Variants in MAGEL2 observed in about 807,000 individuals in gnomAD.
The protein encoded by MAGEL2 is MAGE family member L2.
For missense variants in MAGEL2, 1,830 were observed against 1,699.2 expected (o/e 1.08, Z -1.35); for synonymous variants, 792 against 721.7 (o/e 1.10, Z -1.56).
In MAGEL2 at chr15:23,643,897, G is replaced by A; in HGVS notation, c.*96C>T. 7.4e-7 allele frequency: 1 copy of A among 1,345,070 alleles called. No individual in the cohort carries two copies. Among genetic ancestry groups the A allele is most frequent in the East Asian group, 2.5e-5 (1 of 39,912 alleles). 83.3% of individuals were successfully genotyped at this position (1,345,070 alleles called of 1,614,324 possible). A position where few individuals can be genotyped will look rare whatever the true frequency, so the allele number is the denominator to read the frequency against. On this transcript the variant is annotated 3_prime_UTR_variant, in exon 1 of 1. Coordinates refer to ENST00000650528, the MANE Select transcript of MAGEL2 (RefSeq NM_019066.5). ...TTGAAAATCCAAACGTACACTCGTG[G>A]AACTGGAACACAAACACCAGGAACA...
Position 23,645,809 on chromosome 15 carries a change from A to C in MAGEL2, c.1934T>G (p.Leu645Arg). ...AQRQAPPLVQLEQPFQGAPPS... is the reference protein window; with the variant it reads ...AQRQAPPLVQREQPFQGAPPS... Reference sequence around the variant, plus strand: ...CGGGGCTCCCTGAAAGGGCTGCTCCAGCTGGACCAAGGGGGGAGCCTGCCT... The same window carrying C: ...CGGGGCTCCCTGAAAGGGCTGCTCCCGCTGGACCAAGGGGGGAGCCTGCCT... The change falls in exon 1 of 1, where the codon CTG (leucine) becomes CGG (arginine). Residue 645 changes from leucine to arginine, a missense_variant. By Grantham distance (102) the Leu-to-Arg change is moderately radical. Transcript: ENST00000650528. 6.3e-7 allele frequency: 1 copy of C among 1,590,388 alleles called. No individual in the cohort carries two copies.
At position 23,645,552 on chromosome 15, in the gene MAGEL2, A is replaced by G. The variant is rs1398965862; in HGVS notation, c.2191T>C (p.Ser731Pro). ...GAGGAGGTCCTGCGCTCTTTAGAGG[A>G]GCCCCTGCGGTCTATAGAAGAGGCC... ...CRASSIDRRGSSKERRTSSKE... is the reference protein window; with the variant it reads ...CRASSIDRRGPSKERRTSSKE... The change falls in exon 1 of 1, where the codon TCC becomes CCC. Residue 731 changes from serine to proline, a missense_variant. Transcript: ENST00000650528. The G allele has an allele frequency of 1.2e-6, 2 of 1,613,332 alleles. No homozygotes were observed. The highest frequency in any genetic ancestry group is 2.7e-5 in the African/African-American group (2 of 75,038).
Position 23,647,167 on chromosome 15 carries a change from A to G in MAGEL2, c.576T>C (p.Pro192=). The stretch of plus-strand genomic sequence containing the variant: ...GAGCCATCGGTGTCCCCGGAGGGGG[A>G]GGATGAGCCATCGGGGTCCCCGGAG... ...PPPPGTPMAH[P]PPPGTPMAHP... Residue 192 remains proline (P), a synonymous_variant, in exon 1 of 1, where the codon CCT becomes CCC. Coordinates refer to ENST00000650528, the MANE Select transcript of MAGEL2 (RefSeq NM_019066.5). 6.6e-7 allele frequency: 1 copy of G among 1,523,564 alleles called. No individual in the cohort carries two copies. The highest frequency in any genetic ancestry group is 8.8e-7 in the Non-Finnish European group (1 of 1,140,890). 94.4% of individuals were successfully genotyped at this position (1,523,564 alleles called of 1,614,324 possible). A position where few individuals can be genotyped will look rare whatever the true frequency, so the allele number is the denominator to read the frequency against.
In MAGEL2 at chr15:23,647,110, A is replaced by C. The variant is rs1244431833; in HGVS notation, c.633T>G (p.His211Gln). 2.0e-6 allele frequency: 3 copies of C among 1,526,506 alleles called. No individual in the cohort carries two copies. The highest frequency in any genetic ancestry group is 2.6e-6 in the Non-Finnish European group (3 of 1,142,838). 94.6% of individuals were successfully genotyped at this position (1,526,506 alleles called of 1,614,324 possible). Residue 211 changes from histidine (H) to glutamine (Q), a missense_variant, in exon 1 of 1, where the codon CAT becomes CAG. Physicochemically the swap from His to Gln is conservative, Grantham distance 24 (BLOSUM62 0). Coordinates refer to ENST00000650528, the MANE Select transcript of MAGEL2 (RefSeq NM_019066.5). ...HPPPPGTPMA[H>Q]PPPPGTPMAH... ...CCATCGGTGTCCCCGGAGGTGGAGGATGAGCCATCGGTGTCCCCGGAGGGG... is the reference window on the plus strand; with the variant it reads ...CCATCGGTGTCCCCGGAGGTGGAGGCTGAGCCATCGGTGTCCCCGGAGGGG...
rs1890415107 is a variant in MAGEL2 at position 23,646,720 on chromosome 15, C to G, written c.1023G>C (p.Gln341His). The change falls in exon 1 of 1, where the codon CAG (glutamine) becomes CAC (histidine). Residue 341 changes from glutamine to histidine, a missense_variant. Coordinates refer to ENST00000650528, the MANE Select transcript of MAGEL2 (RefSeq NM_019066.5). The surrounding 1 kb of genome is among the most constrained non-coding windows in gnomAD (Gnocchi z 4.2). ...GCGGAGGAGCCCTTATAACTTGAGA[C>G]TGGATTTGCAGGATCAGAGGCTGAG... ...PQAQPLILQI[Q>H]SQVIRAPPQV... 1.3e-6 allele frequency: 2 copies of G among 1,532,338 alleles called. No individual in the cohort carries two copies. Among genetic ancestry groups the G allele is most frequent in the Admixed American group, 2.0e-5 (1 of 50,772 alleles). The allele number at this position is 1,532,338 out of a possible 1,614,324, so 94.9% of individuals were successfully genotyped here.
At position 23,644,439 on chromosome 15, in the gene MAGEL2, C is replaced by G; in HGVS notation, c.3304G>C (p.Ala1102Pro). ...KLGYHTGNLVASYLDRPKFGL... is the reference protein window; with the variant it reads ...KLGYHTGNLVPSYLDRPKFGL... ...AACTTGGGCCTGTCTAAATAGGATG[C>G]CACCAAATTCCCTGTATGGTAGCCC... Residue 1102 changes from alanine (A) to proline (P), a missense_variant, in exon 1 of 1, where the codon GCA becomes CCA. Transcript: ENST00000650528. 6.2e-7 allele frequency: 1 copy of G among 1,613,940 alleles called. No homozygotes were observed. Among genetic ancestry groups the G allele is most frequent in the Non-Finnish European group, 8.5e-7 (1 of 1,179,886 alleles).
rs925734791 is a variant in MAGEL2, at chr15:23,645,929, T to C, written c.1814A>G (p.Glu605Gly). The change falls in exon 1 of 1, where the codon GAA becomes GGA. Residue 605 changes from glutamate to glycine, a missense_variant. Physicochemically the swap from Glu to Gly is moderately conservative, Grantham distance 98. Transcript: ENST00000650528. ...CTGTGTCTGCTGCACCTCCTGGAAT[T>C]CCATTGACGTTGGAATCTCGTGTGG... is the stretch of plus-strand genomic sequence containing the variant. ...PVPHEIPTSM[E>G]FQEVQQTQAL... is the part of the protein sequence containing the mutation. The C allele has an allele frequency of 1.3e-6, 2 of 1,570,228 alleles. No individual in the cohort carries two copies. The highest frequency in any genetic ancestry group is 2.7e-5 in the African/African-American group (2 of 73,758).
chr15:23,646,857 C>A lies in MAGEL2; in HGVS notation c.886G>T (p.Ala296Ser), dbSNP rs1030339205. The A allele has an allele frequency of 1.3e-6, 2 of 1,536,662 alleles. No individual in the cohort carries two copies. The highest frequency in any genetic ancestry group is 1.7e-6 in the Non-Finnish European group (2 of 1,146,812). The change falls in exon 1 of 1, where the codon GCT becomes TCT. Residue 296 changes from alanine to serine, a missense_variant. Ala to Ser is a moderately conservative substitution (Grantham distance 99). Transcript: ENST00000650528. This position sits in a 1 kb window ranked among gnomAD's most constrained non-coding sequence, Gnocchi z 4.2. ...GAAGCTGGAGGCTGGGTCATCGGAG[C>A]TCTCGCACCTGGAGGATGAATCATC... is the stretch of plus-strand genomic sequence containing the variant. ...VLMIHPPGAR[A>S]PMTQPPASGA...
In MAGEL2 at chr15:23,647,265, C is replaced by A. The variant is rs1295989413; in HGVS notation, c.478G>T (p.Ala160Ser). The change falls in exon 1 of 1, where the codon GCC (alanine) becomes TCC (serine). Residue 160 changes from alanine (A) to serine (S), a missense_variant. Coordinates refer to ENST00000650528, the MANE Select transcript of MAGEL2 (RefSeq NM_019066.5). Reference protein sequence around the residue: ...SHPPPPGTPMAHPPPPGTPMA... With the variant: ...SHPPPPGTPMSHPPPPGTPMA... The stretch of plus-strand genomic sequence containing the variant: ...GGGGTCCCCGGAGGAGGAGGATGGG[C>A]CATTGGGGTCCCCGGAGGGGGAGGG... 2.0e-6 allele frequency: 3 copies of A among 1,530,052 alleles called. No homozygotes were observed. Among genetic ancestry groups the A allele is most frequent in the Non-Finnish European group, 2.6e-6 (3 of 1,142,260 alleles). The allele number at this position is 1,530,052 out of a possible 1,614,324, so 94.8% of individuals were successfully genotyped here.
rs1354880074 is a variant in MAGEL2, at chr15:23,646,865, C to G, written c.878G>C (p.Gly293Ala). Residue 293 changes from glycine to alanine, a missense_variant, in exon 1 of 1, where the codon GGT (glycine) becomes GCT (alanine). Coordinates refer to ENST00000650528, the MANE Select transcript of MAGEL2 (RefSeq NM_019066.5). This position sits in a 1 kb window ranked among gnomAD's most constrained non-coding sequence, Gnocchi z 4.2. ...AGGCTGGGTCATCGGAGCTCTCGCA[C>G]CTGGAGGATGAATCATCAGGACTCC... ...GPGVLMIHPP[G>A]ARAPMTQPPA... The G allele has an allele frequency of 6.5e-7, 1 of 1,536,156 alleles. No individual in the cohort carries two copies. The highest frequency in any genetic ancestry group is 1.4e-5 in the African/African-American group (1 of 72,936).
At position 23,645,084 on chromosome 15, in the gene MAGEL2, G is replaced by C. The variant is rs368002823; in HGVS notation, c.2659C>G (p.Arg887Gly). The change falls in exon 1 of 1, where the codon CGG becomes GGG. Residue 887 changes from arginine (R) to glycine (G), a missense_variant. By Grantham distance (125) the Arg-to-Gly change is moderately radical (BLOSUM62 -2). Coordinates refer to ENST00000650528, the MANE Select transcript of MAGEL2 (RefSeq NM_019066.5). ...EPPRRSGKAT[R>G]KKKHLEAQED... ...TGGGCTTCCAGATGCTTCTTCTTCC[G>C]GGTGGCCTTGCCGGAGCGGCGTGGC... 7.4e-6 allele frequency: 12 copies of C among 1,613,876 alleles called. 1 individual carries two copies. The highest frequency in any genetic ancestry group is 4.4e-5 in the South Asian group (4 of 91,084).
Position 23,647,451 on chromosome 15 carries a change from G to C in MAGEL2, c.292C>G (p.Pro98Ala). Residue 98 changes from proline (P) to alanine (A), a missense_variant, in exon 1 of 1, where the codon CCG (proline) becomes GCG (alanine). Transcript: ENST00000650528. ...CCGGGAGTCGGAGGCTTACCCATCG[G>C]GCCCCCCAGCGGGGGAGCCGGGACT... ...PIVPAPPLGG[P>A]MGKPPTPGVL... 1.3e-6 allele frequency: 2 copies of C among 1,535,232 alleles called. No individual in the cohort carries two copies. The highest frequency in any genetic ancestry group is 2.4e-5 in the South Asian group (2 of 83,960).
Position 23,646,960 on chromosome 15 carries a change from C to T in MAGEL2, c.783G>A (p.Gln261=), listed in dbSNP as rs1890422737. 6.5e-7 allele frequency: 1 copy of T among 1,536,682 alleles called. No individual in the cohort carries two copies. The highest frequency in any genetic ancestry group is 8.7e-7 in the Non-Finnish European group (1 of 1,146,862). The change falls in exon 1 of 1, where the codon CAG becomes CAA. Residue 261 remains glutamine (Q), a synonymous_variant. Transcript: ENST00000650528. This position sits in a 1 kb window ranked among gnomAD's most constrained non-coding sequence, Gnocchi z 4.2. ...GGGTCATCATGGCTGCTGGAGGCGG[C>T]TGGACCATCGGTGCTCCCGGAGCAG... ...QPAAPGAPMV[Q]PPPAAMMTQP...
At position 23,644,767 on chromosome 15, in the gene MAGEL2, A is replaced by C. The variant is rs753429920; in HGVS notation, c.2976T>G (p.Val992=). The C allele has an allele frequency of 6.2e-7, 1 of 1,613,670 alleles. No homozygotes were observed. Among genetic ancestry groups the C allele is most frequent in the East Asian group, 2.2e-5 (1 of 44,850 alleles). Residue 992 remains valine (V), a synonymous_variant, in exon 1 of 1, where the codon GTT becomes GTG. Transcript: ENST00000650528. ...GAGAGACACTTGCGACCTCAGACAC[A>C]ACTACGGGCAGAGAGCTCCCTGGGC... is the stretch of plus-strand genomic sequence containing the variant. ...SESPGSSLPV[V]VSEVASVSPG...
Position 23,643,957 on chromosome 15 carries a change from CAGG to C in MAGEL2, c.*33_*35del. ...CCCCACCCTGTCAGTGGCCTCTGGC[CAGG>C]GAAACACAGGAGCGAGATCTCTGCT... is the stretch of plus-strand genomic sequence containing the variant. On this transcript the variant is annotated 3_prime_UTR_variant, in exon 1 of 1. Transcript: ENST00000650528. 1 of 1,512,166 alleles carries C rather than the reference CAGG, an allele frequency of 6.6e-7. No homozygotes were observed. Among genetic ancestry groups the C allele is most frequent in the Admixed American group, 2.2e-5 (1 of 45,842 alleles). The allele number at this position is 1,512,166 out of a possible 1,614,324, so 93.7% of individuals were successfully genotyped here.
chr15:23,645,824 G>C lies in MAGEL2; in HGVS notation c.1919C>G (p.Pro640Arg). 6.3e-7 allele frequency: 1 copy of C among 1,587,460 alleles called. No individual in the cohort carries two copies. Among genetic ancestry groups the C allele is most frequent in the Non-Finnish European group, 8.6e-7 (1 of 1,168,088 alleles). The change falls in exon 1 of 1, where the codon CCC becomes CGC. Residue 640 changes from proline to arginine, a missense_variant. Transcript: ENST00000650528. ...LPAQEAQRQA[P>R]PLVQLEQPFQ... ...GGGCTGCTCCAGCTGGACCAAGGGG[G>C]GAGCCTGCCTCTGGGCCTCCTGGGC... is the stretch of plus-strand genomic sequence containing the variant.
Position 23,645,337 on chromosome 15 carries a change from A to G in MAGEL2, c.2406T>C (p.Asn802=). The G allele has an allele frequency of 1.9e-6, 3 of 1,614,018 alleles. No individual in the cohort carries two copies. The highest frequency in any genetic ancestry group is 2.5e-6 in the Non-Finnish European group (3 of 1,179,900). The change falls in exon 1 of 1, where the codon AAT becomes AAC. Residue 802 remains asparagine, a synonymous_variant. Transcript: ENST00000650528. ...AGGCAGCAGAGGGGCCTTTAAAGGC[A>G]TTCAGAGAGGCAGGCTGAAACTGGG... ...ATSQFQPASL[N]AFKGPSAASE...
Position 23,647,837 on chromosome 15 carries a change from C to T in MAGEL2, c.-95G>A, listed in dbSNP as rs955003108. The T allele has an allele frequency of 3.1e-6, 4 of 1,276,348 alleles. No homozygotes were observed. The highest frequency in any genetic ancestry group is 3.2e-5 in the Admixed American group (1 of 31,694). 79.1% of individuals were successfully genotyped at this position (1,276,348 alleles called of 1,614,324 possible). On this transcript the variant is annotated 5_prime_UTR_variant, in exon 1 of 1. Coordinates refer to ENST00000650528, the MANE Select transcript of MAGEL2 (RefSeq NM_019066.5). ...GAATGCCTACGTGGCTGTTCAGAGG[C>T]TCCCTCCCTGCTGAATGCTGAATAG...
In MAGEL2 at chr15:23,646,408, G is replaced by T. The variant is rs1265676984; in HGVS notation, c.1335C>A (p.Arg445=). Residue 445 remains arginine, a synonymous_variant, in exon 1 of 1, where the codon CGC becomes CGA. Coordinates refer to ENST00000650528, the MANE Select transcript of MAGEL2 (RefSeq NM_019066.5). The surrounding 1 kb of genome is among the most constrained non-coding windows in gnomAD (Gnocchi z 4.2). ...PLIRQAPPVI[R]QAPPVIRQAP... Reference sequence around the variant, plus strand: ...CCTGGCGGATCACGGGTGGGGCCTGGCGGATCACCGGTGGGGCCTGGCGGA... The same window carrying T: ...CCTGGCGGATCACGGGTGGGGCCTGTCGGATCACCGGTGGGGCCTGGCGGA... The T allele has an allele frequency of 1.4e-6, 2 of 1,403,998 alleles. No individual in the cohort carries two copies. The highest frequency in any genetic ancestry group is 3.3e-5 in the Admixed American group (1 of 29,920). The allele number at this position is 1,403,998 out of a possible 1,614,324, so 87.0% of individuals were successfully genotyped here. A position where few individuals can be genotyped will look rare whatever the true frequency, so the allele number is the denominator to read the frequency against.
Sources: allele counts gnomAD v4.1 joint callset, GRCh38; gene constraint gnomAD v4.1.1; non-coding constraint Gnocchi (gnomAD v3.1); transcripts MANE v1.5; gene names NCBI Gene and HGNC (gene_info 2026-07-23, HGNC 2026-07-21).